SASH1: variants seen among roughly 807,000 people sequenced by gnomAD.
SASH1 encodes the protein SAM and SH3 domain containing 1.
A neutral mutation model predicts 125.2 loss-of-function variants in SASH1; 44 were observed. That is an observed-to-expected ratio of 0.35 (90% CI 0.28 to 0.45). The LOEUF (loss-of-function observed/expected upper bound fraction) is 0.45. Ranked by LOEUF, SASH1 falls within the 20% of genes least tolerant of loss-of-function variation. The pLI is 1.00. For missense variants in SASH1, 1,426 were observed against 1,614.5 expected (o/e 0.88, Z 2.00); for synonymous variants, 639 against 649.1 (o/e 0.98, Z 0.24).
At chr6:148,332,007 T>A (rs1200829194) in intron 1 of SASH1, among the ~76,000 whole-genome samples, 1 of 152,140 alleles carries the variant, frequency 6.6e-6, no homozygotes, top group African/African-American at 2.4e-5. Context: ...AGGATTTACA[T>A]CCCTGCAGCC....
chr6:148,212,039 T>C, the SASH1 span, among the ~76,000 whole-genome samples: 5 of 152,154 alleles, frequency 3.3e-5, no homozygotes, highest in East Asian at 9.6e-4. Context: ...AAAAGAGTGT[T>C]CTTCTAGCCA....
chr6:148,360,291 A>G (rs1782138993), intron 1 of SASH1, among the ~76,000 whole-genome samples: 1 of 148,610 alleles, frequency 6.7e-6, no homozygotes, highest in African/African-American at 2.5e-5. Context: ...TTTTTGTGTG[A>G]TAGCTGGAAT....
At chr6:148,448,756 C>T (rs1003838902) in intron 4 of SASH1, among the ~76,000 whole-genome samples, 1 of 152,166 alleles carries the variant, frequency 6.6e-6, no homozygotes, top group Non-Finnish European at 1.5e-5. Flanking sequence ...CTATTACAGC[C>T]TCTTGCTGAA....
At chr6:148,478,484 GAAC>G (rs1778468205) in intron 7 of SASH1, among the ~76,000 whole-genome samples, 1 of 152,142 alleles carries the variant, frequency 6.6e-6, no homozygotes, top group Non-Finnish European at 1.5e-5. Flanking sequence ...TAAAACAATT[GAAC>G]TGATGGAGAT....
At chr6:148,351,093 C>T (rs1781708397) in intron 1 of SASH1, among the ~76,000 whole-genome samples, 1 of 151,892 alleles carries the variant, frequency 6.6e-6, no homozygotes, top group Non-Finnish European at 1.5e-5. Flanking sequence ...ATACAGACAT[C>T]TCCATCCTGG....
At chr6:148,487,339 A>G (rs1429435239) in intron 7 of SASH1, among the ~76,000 whole-genome samples, 1 of 151,988 alleles carries the variant, frequency 6.6e-6, no homozygotes, top group Non-Finnish European at 1.5e-5. Context: ...GGAACACAGG[A>G]TACAAAGAGT....
upstream of SASH1, among the ~76,000 whole-genome samples, chr6:148,341,974 T>C (rs9377127): frequency 0.84 from 128,123 of 152,202 alleles, 54,200 homozygotes; most frequent in African/African-American, 0.93. Context: ...AAAATAAATC[T>C]GTCCTGGGGC....
intron 1 of SASH1, among the ~76,000 whole-genome samples, chr6:148,349,073 G>A (rs1310023683): frequency 6.6e-6 from 1 of 151,966 alleles, no homozygotes; most frequent in African/African-American, 2.4e-5. Flanking sequence ...TGCGAGGTGG[G>A]CCCTTCCCCA....
chr6:148,315,836 C>T (rs66489105), intron 1 of SASH1, among the ~76,000 whole-genome samples: 22,463 of 152,056 alleles, frequency 0.15, 1,907 homozygotes, highest in East Asian at 0.31. Flanking sequence ...CCTGGGAGGT[C>T]GAGGTTTCAG....
In SASH1 at chr6:148,440,231, C is replaced by G. The variant is rs766275084; in HGVS notation, c.333C>G (p.Ile111Met). The stretch of plus-strand genomic sequence containing the variant: ...CGTCACTTCAGCTGCGGTCCCAGAT[C>G]GAAGTAAGCACAATGACTTTAATCA... ...SPTSLQLRSQ[I>M]EESLGFCSAV... The change falls in exon 3 of 20, where the codon ATC (isoleucine) becomes ATG (methionine). Residue 111 changes from isoleucine to methionine, a missense_variant. Around this residue, in one of 3 missense-constraint regions of SASH1, gnomAD observed 567 missense variants for 575.6 expected, o/e 0.99. Transcript: ENST00000367467. 52 of 1,613,946 alleles carry G rather than the reference C, an allele frequency of 3.2e-5. No homozygotes were observed. The highest frequency in any genetic ancestry group is 4.4e-5 in the Non-Finnish European group (52 of 1,179,950).
chr6:148,326,086 G>A (rs1780786734), intron 1 of SASH1, among the ~76,000 whole-genome samples: 1 of 147,920 alleles, frequency 6.8e-6, no homozygotes, highest in East Asian at 2.0e-4. Context: ...GGAGTGTAAT[G>A]GCACGATCTC....
intron 1 of SASH1, among the ~76,000 whole-genome samples, chr6:148,298,604 G>A (rs1446406252): frequency 6.9e-6 from 1 of 145,598 alleles, no homozygotes; most frequent in Non-Finnish European, 1.5e-5. Flanking sequence ...TCATGCCACT[G>A]CATTCCAGCC....
At chr6:148,371,096 A>G (rs1050528310) in intron 1 of SASH1, among the ~76,000 whole-genome samples, 1 of 152,142 alleles carries the variant, frequency 6.6e-6, no homozygotes, top group African/African-American at 2.4e-5. Context: ...AGGAGTGGCC[A>G]ATCTCCCTTC....
At chr6:148,271,179 G>A (rs965601934), upstream of SASH1, among the ~76,000 whole-genome samples, 3 of 152,050 alleles carry the variant, frequency 2.0e-5, no homozygotes, top group Admixed American at 6.6e-5. Flanking sequence ...CAAAGTGCTG[G>A]GATTACAGGT....
the SASH1 span, among the ~76,000 whole-genome samples, chr6:148,209,479 G>A: frequency 1.3e-5 from 2 of 152,218 alleles, no homozygotes; most frequent in Non-Finnish European, 2.9e-5. Context: ...CTTGTGGGAA[G>A]AAGTATGTGG....
chr6:148,213,441 T>C, the SASH1 span, among the ~76,000 whole-genome samples: 5 of 152,038 alleles, frequency 3.3e-5, no homozygotes, highest in Non-Finnish European at 7.4e-5. Context: ...ATTATTTCAA[T>C]TAATATGTCA....
intron 1 of SASH1, among the ~76,000 whole-genome samples, chr6:148,293,131 T>C (rs2493926): frequency 0.13 from 20,190 of 151,646 alleles, 1,545 homozygotes; most frequent in East Asian, 0.29. Flanking sequence ...TGTAATAATC[T>C]CAAAGGGCTC....
At chr6:148,320,581 G>C (rs996808575) in intron 1 of SASH1, among the ~76,000 whole-genome samples, 1 of 152,154 alleles carries the variant, frequency 6.6e-6, no homozygotes, top group African/African-American at 2.4e-5. Flanking sequence ...AAAGACAAAG[G>C]GTGGGTTCTT....
upstream of SASH1, among the ~76,000 whole-genome samples, chr6:148,269,028 CTCTTT>C (rs1166160717): frequency 6.6e-6 from 1 of 152,176 alleles, no homozygotes; most frequent in Non-Finnish European, 1.5e-5. Flanking sequence ...TTCTTAGTAT[CTCTTT>C]TATCTCTTTT....
Sources: gnomAD v4.1 joint callset for allele counts (sites outside exome capture counted in the v4.1 genomes callset) on GRCh38, gnomAD v4.1.1 for gene constraint, gnomAD v4.1.1 regional missense constraint, MANE v1.5 for transcripts, NCBI Gene and HGNC (gene_info 2026-07-23, HGNC 2026-07-21) for gene names.